The following PLCZ1 variants were observed in gnomAD, a reference collection of about 807,000 sequenced individuals.
The protein encoded by PLCZ1 is 1-phosphatidylinositol 4,5-bisphosphate phosphodiesterase zeta-1.
In PLCZ1, 64 loss-of-function variants were observed where a neutral mutation model predicts 76.8. The ratio of observed to expected loss-of-function variants is 0.83; its 90% CI spans 0.68 to 1.03. The LOEUF (loss-of-function observed/expected upper bound fraction) is 1.03, where lower values mean the gene tolerates loss of function less well. Among genes scored for constraint, PLCZ1 ranks in the 50% least tolerant of loss-of-function variants. The pLI is 0.00. For synonymous variants in PLCZ1, 248 were observed against 230.8 expected (o/e 1.07, Z -0.68); for missense variants, 751 against 713.7 (o/e 1.05, Z -0.60).
At chr12:18,712,697 A>G (rs1340827327) in intron 6 of PLCZ1, 145 bp downstream of exon 6, 3 of 984,856 alleles carry the variant, frequency 3.0e-6, no homozygotes, top group Non-Finnish European at 4.6e-6. Flanking sequence ...TATATACAAC[A>G]TGGATTTCAC....
At chr12:18,684,329 GA>G in intron 13 of PLCZ1, 50 bp from the exon 14 acceptor site, 1 of 1,514,178 alleles carries the variant, frequency 6.6e-7, no homozygotes, top group South Asian at 1.2e-5. Context: ...CCATATCTAG[GA>G]AAAAATAGAT....
chr12:18,728,196 A>G (rs1958861014), intron 3 of PLCZ1, among the ~76,000 whole-genome samples: 1 of 152,238 alleles, frequency 6.6e-6, no homozygotes, highest in African/African-American at 2.4e-5. Context: ...AGAAGAAAGT[A>G]GAATGATAAC....
chr12:18,693,986 C>G, intron 12 of PLCZ1: 2 of 1,497,290 alleles, frequency 1.3e-6, no homozygotes, highest in Non-Finnish European at 1.9e-6. Flanking sequence ...AGAAGCTGGT[C>G]TGATGGCCTT....
chr12:18,685,773 A>T (rs1039327478), intron 13 of PLCZ1: 2 of 369,784 alleles, frequency 5.4e-6, no homozygotes, highest in Non-Finnish European at 1.1e-5. Flanking sequence ...CTCCAATCCT[A>T]CTTCATTACA....
intron 10 of PLCZ1, among the ~76,000 whole-genome samples, chr12:18,698,656 G>A (rs1955463731): frequency 6.6e-6 from 1 of 151,728 alleles, no homozygotes; most frequent in Non-Finnish European, 1.5e-5. Context: ...ATTTTTGTGG[G>A]TACATAGATA....
At chr12:18,690,492 T>TGG (rs1159402241) in intron 12 of PLCZ1, among the ~76,000 whole-genome samples, 6 of 152,144 alleles carry the variant, frequency 3.9e-5, no homozygotes, top group Middle Eastern at 3.2e-3. Context: ...CCCAAAGTGA[T>TGG]GGGATTACAG....
intron 12 of PLCZ1, among the ~76,000 whole-genome samples, 198 bp from the exon 13 acceptor site, chr12:18,688,416 T>C (rs1429142988): frequency 2.6e-5 from 4 of 152,034 alleles, no homozygotes; most frequent in African/African-American, 9.7e-5. Flanking sequence ...ACCAAGAATA[T>C]GTACAAAATT....
rs745955620 is a variant in PLCZ1 at position 18,723,485 on chromosome 12, G to C, written c.193C>G (p.Arg65Gly). Residue 65 changes from arginine to glycine, a missense_variant, in exon 4 of 15, where the codon CGA becomes GGA. Transcript: ENST00000266505. ...ITIEEFRAIY[R>G]IITHREEIIE... ...ATTTCTTCTCTGTGCGTGATAATTC[G>C]ATAAATTGCTCTAAATTCTTCTATG... 5 of 1,612,808 alleles carry C rather than the reference G, an allele frequency of 3.1e-6. No individual in the cohort carries two copies. Among genetic ancestry groups the C allele is most frequent in the Non-Finnish European group, 4.2e-6 (5 of 1,179,394 alleles).
chr12:18,687,870 C>T (rs1953398514), intron 13 of PLCZ1, among the ~76,000 whole-genome samples: 1 of 151,870 alleles, frequency 6.6e-6, no homozygotes, highest in Admixed American at 6.6e-5. Context: ...TTTTGAAGGT[C>T]AGGTACATTT....
intron 6 of PLCZ1, among the ~76,000 whole-genome samples, chr12:18,708,160 T>C (rs1283519464): frequency 6.6e-6 from 1 of 152,214 alleles, no homozygotes; most frequent in Non-Finnish European, 1.5e-5. Context: ...CCTACCTTTC[T>C]CCATTTTCTT....
the PLCZ1 span, among the ~76,000 whole-genome samples, chr12:18,651,407 T>C: frequency 6.6e-6 from 1 of 152,172 alleles, no homozygotes; most frequent in African/African-American, 2.4e-5. Context: ...TATGCACTTA[T>C]CATCTTTGAA....
chr12:18,689,570 T>C (rs1310079895), intron 12 of PLCZ1, among the ~76,000 whole-genome samples: 1 of 152,116 alleles, frequency 6.6e-6, no homozygotes, highest in Non-Finnish European at 1.5e-5. Flanking sequence ...TTAGGGAGCA[T>C]TGATCAAATA....
intron 5 of PLCZ1, among the ~76,000 whole-genome samples, chr12:18,717,353 T>C (rs1353081952): frequency 6.6e-6 from 1 of 152,194 alleles, no homozygotes; most frequent in Non-Finnish European, 1.5e-5. Flanking sequence ...TGAATTTATG[T>C]CTTTACTTAG....
chr12:18,737,996 T>A lies in PLCZ1; in HGVS notation c.-203A>T. The A allele has an allele frequency of 2.2e-6, 1 of 448,894 alleles. No individual in the cohort carries two copies. The highest frequency in any genetic ancestry group is 3.9e-6 in the Non-Finnish European group (1 of 254,528). 27.8% of individuals were successfully genotyped at this position (448,894 alleles called of 1,614,324 possible). A position where few individuals can be genotyped will look rare whatever the true frequency, so the allele number is the denominator to read the frequency against. On this transcript the variant is annotated 5_prime_UTR_variant, in exon 1 of 15. Transcript: ENST00000266505. ...AATCTTCAAAAGAGGTATAGCTGGT[T>A]GGCTGGGCACCACACTGTCAGGTGA...
At chr12:18,693,895 G>A (rs1444405595) in intron 12 of PLCZ1, 19 of 1,530,114 alleles carry the variant, frequency 1.2e-5, no homozygotes, top group East Asian at 2.3e-5. Context: ...GCAGGATGAC[G>A]CTGGCTGATG....
At chr12:18,651,821 A>G in the PLCZ1 span, among the ~76,000 whole-genome samples, 15 of 152,164 alleles carry the variant, frequency 9.9e-5, no homozygotes, top group African/African-American at 3.4e-4. Flanking sequence ...GATTGTTCAC[A>G]GACATATGCA....
Position 18,705,323 on chromosome 12 carries a change from A to C in PLCZ1, c.715-8T>G. On this transcript the variant is annotated splice_polypyrimidine_tract_variant and splice_region_variant and intron_variant, in intron 6 of 14. Coordinates refer to ENST00000266505, the MANE Select transcript of PLCZ1 (RefSeq NM_033123.4). ...CACTGGGTAGTCAGATGTCTAAAAA[A>C]GTAACCATTACTATGGTTATTCATC... 1 of 1,614,096 alleles carries C rather than the reference A, an allele frequency of 6.2e-7. No homozygotes were observed. The highest frequency in any genetic ancestry group is 8.5e-7 in the Non-Finnish European group (1 of 1,179,956).
At chr12:18,706,741 A>C (rs1956655091) in intron 6 of PLCZ1, among the ~76,000 whole-genome samples, 1 of 152,318 alleles carries the variant, frequency 6.6e-6, no homozygotes, top group Non-Finnish European at 1.5e-5. Context: ...TTTTCACAGC[A>C]CTCAGAACAG....
chr12:18,715,223 G>C (rs1016893973), intron 5 of PLCZ1, among the ~76,000 whole-genome samples: 3 of 114,328 alleles, frequency 2.6e-5, no homozygotes, highest in Non-Finnish European at 5.2e-5. Flanking sequence ...GAGAGAGAGA[G>C]ACCTTATATA....
Sources: allele counts gnomAD v4.1 joint callset (sites outside exome capture counted in the v4.1 genomes callset), GRCh38; gene constraint gnomAD v4.1.1; transcripts MANE v1.5; gene names NCBI Gene and HGNC (gene_info 2026-07-23, HGNC 2026-07-21).